CUL2: variants seen among roughly 807,000 people sequenced by gnomAD.
CUL2 encodes the protein cullin-2.
Under a neutral mutation model 110.2 loss-of-function variants are expected in CUL2, and 22 were observed. The ratio of observed to expected loss-of-function variants is 0.20; its 90% CI spans 0.14 to 0.28. The LOEUF is 0.28. CUL2 is among the 10% of genes least tolerant of loss of function. The pLI is 1.00. For synonymous variants in CUL2, 279 were observed against 293.2 expected (o/e 0.95, Z 0.49); for missense variants, 631 against 905.5 (o/e 0.70, Z 3.89).
At chr10:35,092,018 T>C (rs1246756984), upstream of CUL2, among the ~76,000 whole-genome samples, 1 of 152,138 alleles carries the variant, frequency 6.6e-6, no homozygotes, top group Non-Finnish European at 1.5e-5. Context: ...AGTGGCCTGA[T>C]CATAGCTCAC....
At chr10:35,075,750 AT>A (rs1365757018) in intron 1 of CUL2, among the ~76,000 whole-genome samples, 13 of 152,172 alleles carry the variant, frequency 8.5e-5, no homozygotes, top group African/African-American at 2.9e-4. Flanking sequence ...TCCAGAAAAC[AT>A]TATGTCAACA....
chr10:35,010,939 T>C (rs930668518), intron 20 of CUL2, among the ~76,000 whole-genome samples: 1 of 152,226 alleles, frequency 6.6e-6, no homozygotes, highest in Non-Finnish European at 1.5e-5. Flanking sequence ...CAGCTGTCTA[T>C]CACATGGTAG....
At chr10:35,106,863 C>T (rs1425037772) in intron 1 of CUL2, among the ~76,000 whole-genome samples, 3 of 151,066 alleles carry the variant, frequency 2.0e-5, no homozygotes, top group Admixed American at 6.6e-5. Context: ...GGGCAGTTTA[C>T]TTTATGCCAG....
intron 1 of CUL2, among the ~76,000 whole-genome samples, chr10:35,087,977 T>C (rs2087103229): frequency 6.6e-6 from 1 of 152,190 alleles, no homozygotes; most frequent in Non-Finnish European, 1.5e-5. Context: ...CAATCCAAGT[T>C]TGATAGCACC....
intron 1 of CUL2, among the ~76,000 whole-genome samples, chr10:35,103,145 AT>A (rs1012952854): frequency 2.7e-5 from 4 of 150,684 alleles, no homozygotes; most frequent in East Asian, 1.9e-4. Context: ...ACTCAAAAAA[AT>A]TTTTTTTTGT....
intron 19 of CUL2, 68 bp downstream of exon 19, chr10:35,013,630 TA>T: frequency 1.0e-6 from 1 of 1,003,882 alleles, no homozygotes; most frequent in Non-Finnish European, 1.5e-6. Context: ...AATCTCAATG[TA>T]AACACTTGTA....
chr10:35,122,202 T>A (rs1351134516), intron 1 of CUL2, among the ~76,000 whole-genome samples: 1 of 152,238 alleles, frequency 6.6e-6, no homozygotes, highest in Admixed American at 6.5e-5. Flanking sequence ...AGAAACGGCC[T>A]GCATAGAAAT....
At chr10:35,069,949 T>G (rs552458524) in intron 2 of CUL2, among the ~76,000 whole-genome samples, 3 of 152,232 alleles carry the variant, frequency 2.0e-5, no homozygotes, top group African/African-American at 7.2e-5. Flanking sequence ...CACAGAAAAA[T>G]TAGCTATCTA....
chr10:35,110,605 G>C (rs1418451723), intron 1 of CUL2, among the ~76,000 whole-genome samples: 2 of 152,070 alleles, frequency 1.3e-5, no homozygotes, highest in Non-Finnish European at 2.9e-5. Flanking sequence ...TTTTGTCACA[G>C]TTCTGGAGGC....
At chr10:35,050,052 G>T (rs948444962) in intron 5 of CUL2, among the ~76,000 whole-genome samples, 1 of 152,178 alleles carries the variant, frequency 6.6e-6, no homozygotes, top group Non-Finnish European at 1.5e-5. Flanking sequence ...GCCAGGTACA[G>T]TGGGTAACGT....
intron 1 of CUL2, among the ~76,000 whole-genome samples, chr10:35,086,609 C>T (rs980969809): frequency 6.6e-6 from 1 of 151,878 alleles, no homozygotes; most frequent in Non-Finnish European, 1.5e-5. Flanking sequence ...TTAAACAACT[C>T]CACACCTGTA....
At chr10:35,095,063 C>A (rs1192780436), upstream of CUL2, among the ~76,000 whole-genome samples, 1 of 152,084 alleles carries the variant, frequency 6.6e-6, no homozygotes, top group Non-Finnish European at 1.5e-5. Flanking sequence ...CACTTGTAAT[C>A]CCAGCACTTT....
intron 1 of CUL2, among the ~76,000 whole-genome samples, chr10:35,116,581 A>G (rs1475295471): frequency 6.6e-6 from 1 of 151,984 alleles, no homozygotes; most frequent in Non-Finnish European, 1.5e-5. Flanking sequence ...TCAATCTGAA[A>G]TTTTCCTTAT....
At chr10:35,056,366 T>C (rs2086240699) in intron 4 of CUL2, among the ~76,000 whole-genome samples, 1 of 152,218 alleles carries the variant, frequency 6.6e-6, no homozygotes, top group South Asian at 2.1e-4. Flanking sequence ...TAACATTTAT[T>C]GAGATCACCT....
chr10:35,057,943 C>G (rs1447217099), intron 4 of CUL2, among the ~76,000 whole-genome samples: 1 of 151,654 alleles, frequency 6.6e-6, no homozygotes, highest in Non-Finnish European at 1.5e-5. Context: ...AAAAAAAATA[C>G]AAAAATTAGC....
At chr10:35,095,396 A>G (rs2087281707), upstream of CUL2, among the ~76,000 whole-genome samples, 1 of 152,004 alleles carries the variant, frequency 6.6e-6, no homozygotes, top group Non-Finnish European at 1.5e-5. Context: ...ATAGAGAATC[A>G]TGTTTGGGTT....
intron 1 of CUL2, among the ~76,000 whole-genome samples, chr10:35,116,273 G>A (rs933019484): frequency 1.3e-5 from 2 of 151,920 alleles, no homozygotes. Context: ...AACCTGGGAG[G>A]TGGAGGTTGT....
upstream of CUL2, among the ~76,000 whole-genome samples, chr10:35,090,887 C>G (rs1029241356): frequency 6.6e-6 from 1 of 152,188 alleles, no homozygotes; most frequent in African/African-American, 2.4e-5. Context: ...ATGTGAATAT[C>G]CTAAGACACC....
chr10:35,060,601 T>A (rs1705818042), intron 4 of CUL2, among the ~76,000 whole-genome samples: 1 of 152,244 alleles, frequency 6.6e-6, no homozygotes, highest in Admixed American at 6.5e-5. Flanking sequence ...AGATTAAACA[T>A]GTGCTACAGG....
Sources: gnomAD v4.1 joint callset for allele counts (sites outside exome capture counted in the v4.1 genomes callset) on GRCh38, gnomAD v4.1.1 for gene constraint, MANE v1.5 for transcripts, NCBI Gene and HGNC (gene_info 2026-07-23, HGNC 2026-07-21) for gene names.